AMPH: variants seen among roughly 807,000 people sequenced by gnomAD.
The protein encoded by AMPH is amphiphysin.
Under a neutral mutation model 99.1 loss-of-function variants are expected in AMPH, and 49 were observed. The ratio of observed to expected loss-of-function variants is 0.49; its 90% CI spans 0.39 to 0.63. AMPH has a LOEUF of 0.63. Among genes scored for constraint, AMPH ranks in the 20% least tolerant of loss-of-function variants. The pLI is 0.00. For synonymous variants in AMPH, 314 were observed against 317.3 expected, an observed-to-expected ratio of 0.99 and a Z score of 0.11; for missense variants, 759 against 863.4, an observed-to-expected ratio of 0.88 and a Z score of 1.52.
At chr7:38,622,184 G>A (rs1342094551) in intron 1 of AMPH, among the ~76,000 whole-genome samples, 1 of 152,086 alleles carries the variant, frequency 6.6e-6, no homozygotes, top group African/African-American at 2.4e-5. Flanking sequence ...CCTTTTACAG[G>A]AGCCCACTGG....
intron 17 of AMPH, among the ~76,000 whole-genome samples, chr7:38,400,101 G>A (rs952195924): frequency 6.6e-6 from 1 of 151,998 alleles, no homozygotes; most frequent in South Asian, 2.1e-4. Flanking sequence ...TTGAAATGAA[G>A]TCTCACTCTT....
In AMPH at chr7:38,410,573, A is replaced by C. The variant is rs1269404721; in HGVS notation, c.1398+7252T>G. Among the ~76,000 whole-genome samples the C allele has an allele frequency of 4.6e-5, 7 of 152,262 alleles. No homozygotes were observed. The East Asian group carries it at 1.3e-3, about 29-fold the overall frequency. Reference sequence around the variant, plus strand: ...GCCATAAACACAGGGTGCTCTTGTTACTACAAAGAATTGTTACTACAAGGA... The same window carrying C: ...GCCATAAACACAGGGTGCTCTTGTTCCTACAAAGAATTGTTACTACAAGGA... On this transcript the variant is annotated intron_variant, in intron 17 of 20. Transcript: ENST00000356264.
At chr7:38,516,107 C>T (rs974912753) in intron 2 of AMPH, among the ~76,000 whole-genome samples, 2 of 152,160 alleles carry the variant, frequency 1.3e-5, no homozygotes, top group African/African-American at 4.8e-5. Flanking sequence ...TGCAGCCTGG[C>T]CATGTGGTAG....
chr7:38,483,873 G>C (rs1788386579), intron 5 of AMPH, among the ~76,000 whole-genome samples: 1 of 152,088 alleles, frequency 6.6e-6, no homozygotes, highest in South Asian at 2.1e-4. Flanking sequence ...CTGTCACTCA[G>C]ATCAGGAAAA....
chr7:38,575,517 G>A (rs562092679), intron 1 of AMPH, among the ~76,000 whole-genome samples: 4 of 152,126 alleles, frequency 2.6e-5, no homozygotes, highest in Non-Finnish European at 5.9e-5. Context: ...CTATTCTCAT[G>A]ATAGTTAGTG....
At position 38,432,899 on chromosome 7, in the gene AMPH, A is replaced by C. The variant is rs189973733; in HGVS notation, c.1135-687T>G. 8.0e-4 allele frequency among the ~76,000 whole-genome samples: 122 copies of C among 152,372 alleles called. 1 individual carries two copies. The highest frequency in any genetic ancestry group is 1.7e-3 in the South Asian group (8 of 4,832). On this transcript the variant is annotated intron_variant, in intron 12 of 20. Coordinates refer to ENST00000356264, the MANE Select transcript of AMPH (RefSeq NM_001635.4). ...TACACTTACTACTGGTATTTTAATT[A>C]TAAAGCTTATGAATCCCGGGGAGTG...
intron 1 of AMPH, among the ~76,000 whole-genome samples, chr7:38,597,587 T>C (rs770401375): frequency 1.7e-4 from 26 of 152,126 alleles, no homozygotes; most frequent in Non-Finnish European, 5.9e-5. Context: ...TATCTTTTTA[T>C]TTTTTTCCAC....
intron 2 of AMPH, among the ~76,000 whole-genome samples, chr7:38,525,896 G>C (rs756413341): frequency 2.0e-5 from 3 of 152,154 alleles, no homozygotes; most frequent in Non-Finnish European, 4.4e-5. Context: ...TATAAATAAA[G>C]CTGCTAAGGG....
At chr7:38,464,677 A>T (rs968188598) in intron 9 of AMPH, among the ~76,000 whole-genome samples, 7 of 151,958 alleles carry the variant, frequency 4.6e-5, no homozygotes, top group Non-Finnish European at 7.4e-5. Flanking sequence ...CTATTGAATT[A>T]AAAAAAATGA....
intron 20 of AMPH, among the ~76,000 whole-genome samples, chr7:38,388,060 G>A (rs1784393809): frequency 6.6e-6 from 1 of 152,098 alleles, no homozygotes; most frequent in Non-Finnish European, 1.5e-5. Flanking sequence ...ATATACAGAA[G>A]CCAAGAAGAT....
At chr7:38,609,492 A>G (rs964233924) in intron 1 of AMPH, among the ~76,000 whole-genome samples, 1 of 152,158 alleles carries the variant, frequency 6.6e-6, no homozygotes, top group Non-Finnish European at 1.5e-5. Flanking sequence ...AGAGAGCCTG[A>G]GGACATCCCA....
chr7:38,549,642 G>A (rs918500322), intron 1 of AMPH, among the ~76,000 whole-genome samples: 1 of 152,170 alleles, frequency 6.6e-6, no homozygotes, highest in African/African-American at 2.4e-5. Flanking sequence ...AACTTCCTAT[G>A]AGCCTTATTT....
intron 8 of AMPH, among the ~76,000 whole-genome samples, chr7:38,465,768 A>G (rs1787628874): frequency 6.6e-6 from 1 of 152,218 alleles, no homozygotes; most frequent in African/African-American, 2.4e-5. Flanking sequence ...ATATGTATAT[A>G]TTTATTAACC....
chr7:38,432,083 T>G, intron 13 of AMPH, 106 bp downstream of exon 13: 1 of 1,003,080 alleles, frequency 1.0e-6, no homozygotes, highest in South Asian at 1.3e-5. Context: ...ATATCATCAT[T>G]AAATGTATGT....
At chr7:38,516,147 T>C (rs765419671) in intron 2 of AMPH, among the ~76,000 whole-genome samples, 40 of 152,216 alleles carry the variant, frequency 2.6e-4, no homozygotes, top group Non-Finnish European at 4.4e-4. Flanking sequence ...TGGAGAAGAA[T>C]TCAAGTTGGC....
intron 1 of AMPH, among the ~76,000 whole-genome samples, chr7:38,581,150 T>C (rs759128256): frequency 6.6e-6 from 1 of 152,008 alleles, no homozygotes; most frequent in Non-Finnish European, 1.5e-5. Context: ...TCAGCTGTGG[T>C]TGGAAAATGA....
In AMPH at chr7:38,413,380, A is replaced by G. The variant is rs555778054; in HGVS notation, c.1398+4445T>C. On this transcript the variant is annotated intron_variant, in intron 17 of 20. Coordinates refer to ENST00000356264, the MANE Select transcript of AMPH (RefSeq NM_001635.4). ...GCCAAAGTATCTGAATGAAAAAAAAAAGAGAAGGAAAATGACCATATACAT... is the reference window on the plus strand; with the variant it reads ...GCCAAAGTATCTGAATGAAAAAAAAGAGAGAAGGAAAATGACCATATACAT... Among the ~76,000 whole-genome samples, 22 of 152,290 alleles carry G rather than the reference A, an allele frequency of 1.4e-4. 1 individual carries two copies. The Middle Eastern group carries it at 0.01, about 71-fold the overall frequency.
chr7:38,483,860 T>C (rs1230809865), intron 5 of AMPH, among the ~76,000 whole-genome samples: 1 of 152,088 alleles, frequency 6.6e-6, no homozygotes, highest in Non-Finnish European at 1.5e-5. Flanking sequence ...GAATTCAAAG[T>C]AACTGTCACT....
intron 2 of AMPH, among the ~76,000 whole-genome samples, chr7:38,517,715 T>C (rs1789802879): frequency 6.6e-6 from 1 of 152,134 alleles, no homozygotes; most frequent in Non-Finnish European, 1.5e-5. Context: ...ATTACTTAAA[T>C]ATGCAATTTA....
Sources: allele counts gnomAD v4.1 joint callset (sites outside exome capture counted in the v4.1 genomes callset), GRCh38; gene constraint gnomAD v4.1.1; transcripts MANE v1.5; gene names NCBI Gene and HGNC (gene_info 2026-07-23, HGNC 2026-07-21).